CNTNAP2: variants seen among roughly 807,000 people sequenced by gnomAD.
The protein encoded by CNTNAP2 is contactin-associated protein-like 2.
In CNTNAP2, 98 loss-of-function variants were observed where a neutral mutation model predicts 155.2. The ratio of observed to expected loss-of-function variants is 0.63; its 90% CI spans 0.54 to 0.75. The LOEUF is 0.75. Among genes scored for constraint, CNTNAP2 ranks in the 30% least tolerant of loss-of-function variants. The pLI is 0.00. For synonymous variants in CNTNAP2, 651 were observed against 631.2 expected (o/e 1.03, Z -0.47); for missense variants, 1,727 against 1,688.1 (o/e 1.02, Z -0.40).
chr7:146,467,450 G>A (rs185390241), intron 1 of CNTNAP2, among the ~76,000 whole-genome samples: 152 of 152,218 alleles, frequency 1.0e-3, no homozygotes, highest in Non-Finnish European at 1.4e-3. Context: ...TTCTGATAAA[G>A]TTAAATGTGG....
At chr7:146,203,865 A>G (rs1798904857) in intron 1 of CNTNAP2, among the ~76,000 whole-genome samples, 2 of 152,142 alleles carry the variant, frequency 1.3e-5, no homozygotes, top group Admixed American at 6.6e-5. Flanking sequence ...ACAAATATAT[A>G]TATAATATCA....
intron 8 of CNTNAP2, among the ~76,000 whole-genome samples, chr7:147,202,135 A>G (rs956090086): frequency 4.6e-5 from 7 of 152,138 alleles, no homozygotes; most frequent in Non-Finnish European, 1.5e-5. Flanking sequence ...AAAAATAGTA[A>G]AGATAAAAGT....
intron 3 of CNTNAP2, among the ~76,000 whole-genome samples, chr7:146,999,366 A>T (rs1342768313): frequency 6.6e-6 from 1 of 151,884 alleles, no homozygotes; most frequent in East Asian, 1.9e-4. Flanking sequence ...CGATTAACAA[A>T]TAATTTTAGT....
At chr7:146,691,768 C>G (rs1434780705) in intron 1 of CNTNAP2, among the ~76,000 whole-genome samples, 2 of 152,138 alleles carry the variant, frequency 1.3e-5, no homozygotes, top group African/African-American at 2.4e-5. Context: ...CATTCACTCT[C>G]ATCTCAAATC....
chr7:147,724,751 A>G (rs544721288), intron 13 of CNTNAP2, among the ~76,000 whole-genome samples: 3 of 152,150 alleles, frequency 2.0e-5, no homozygotes, highest in Admixed American at 6.6e-5. Flanking sequence ...ATTCAGAAGT[A>G]TAGTCTTGCT....
At chr7:146,752,992 T>G (rs924639446) in intron 1 of CNTNAP2, among the ~76,000 whole-genome samples, 1 of 152,164 alleles carries the variant, frequency 6.6e-6, no homozygotes, top group Non-Finnish European at 1.5e-5. Flanking sequence ...CTTGTTTCTT[T>G]AGAGCCAAGG....
intron 1 of CNTNAP2, among the ~76,000 whole-genome samples, chr7:146,518,589 T>C (rs1449611687): frequency 1.3e-5 from 2 of 151,860 alleles, no homozygotes; most frequent in East Asian, 3.9e-4. Flanking sequence ...ATACAACTTT[T>C]TTTTGAGAGA....
intron 1 of CNTNAP2, among the ~76,000 whole-genome samples, chr7:146,641,367 G>T (rs960744009): frequency 7.2e-5 from 11 of 152,068 alleles, no homozygotes; most frequent in Middle Eastern, 3.4e-3. Flanking sequence ...AAAAAGAGAC[G>T]AACTTCTTCC....
chr7:147,687,488 G>C (rs138825274), intron 13 of CNTNAP2, among the ~76,000 whole-genome samples: 8 of 152,072 alleles, frequency 5.3e-5, no homozygotes, highest in Non-Finnish European at 1.2e-4. Context: ...TTAGGCAATA[G>C]TAATCAAGGA....
At chr7:146,914,542 G>A (rs951967512) in intron 3 of CNTNAP2, among the ~76,000 whole-genome samples, 5 of 151,616 alleles carry the variant, frequency 3.3e-5, no homozygotes, top group African/African-American at 9.7e-5. Context: ...CATTTCCCTG[G>A]TCATTAGTGA....
chr7:147,079,992 C>T (rs947060368), intron 4 of CNTNAP2, among the ~76,000 whole-genome samples: 5 of 137,660 alleles, frequency 3.6e-5, no homozygotes, highest in African/African-American at 1.4e-4. Context: ...GAATTCAAAG[C>T]CTAGTCCTTT....
At chr7:147,637,447 G>T (rs1584871890) in intron 12 of CNTNAP2, among the ~76,000 whole-genome samples, 2 of 152,084 alleles carry the variant, frequency 1.3e-5, no homozygotes, top group South Asian at 2.1e-4. Flanking sequence ...CTGAAAGAAT[G>T]GAGTTGCCAT....
chr7:146,832,250 A>C (rs369853592), intron 2 of CNTNAP2, among the ~76,000 whole-genome samples: 1 of 152,138 alleles, frequency 6.6e-6, no homozygotes, highest in African/African-American at 2.4e-5. Context: ...CTCATGTTAC[A>C]TATTATTTTC....
At chr7:147,645,024 C>G (rs1435432855) in intron 13 of CNTNAP2, among the ~76,000 whole-genome samples, 1 of 151,854 alleles carries the variant, frequency 6.6e-6, no homozygotes, top group African/African-American at 2.4e-5. Flanking sequence ...ATGAATGATA[C>G]TTTTTACTGC....
intron 5 of CNTNAP2, among the ~76,000 whole-genome samples, chr7:147,109,162 T>C (rs1800825912): frequency 6.6e-6 from 1 of 152,032 alleles, no homozygotes; most frequent in African/African-American, 2.4e-5. Flanking sequence ...TGTGTAGATA[T>C]GAGAGTCGCA....
At chr7:146,449,831 G>T (rs2129121984) in intron 1 of CNTNAP2, among the ~76,000 whole-genome samples, 1 of 152,280 alleles carries the variant, frequency 6.6e-6, no homozygotes, top group African/African-American at 2.4e-5. Context: ...ATTTCAATCA[G>T]TGATGATTGA....
At chr7:147,320,158 T>C (rs996798303) in intron 9 of CNTNAP2, among the ~76,000 whole-genome samples, 1 of 152,184 alleles carries the variant, frequency 6.6e-6, no homozygotes. Flanking sequence ...TCAAGATGTC[T>C]TCCATCCCCA....
chr7:146,362,115 A>G (rs889885877), intron 1 of CNTNAP2, among the ~76,000 whole-genome samples: 2 of 152,096 alleles, frequency 1.3e-5, no homozygotes, highest in African/African-American at 4.8e-5. Context: ...TGCTTTTTCT[A>G]TGGATCTTAC....
At chr7:148,026,689 C>T (rs985212026) in intron 15 of CNTNAP2, among the ~76,000 whole-genome samples, 7 of 152,112 alleles carry the variant, frequency 4.6e-5, no homozygotes, top group Admixed American at 1.3e-4. Context: ...CAGATACCCG[C>T]CCACCTCATA....
Sources: allele counts gnomAD v4.1 joint callset (sites outside exome capture counted in the v4.1 genomes callset), GRCh38; gene constraint gnomAD v4.1.1; transcripts MANE v1.5; gene names NCBI Gene and HGNC (gene_info 2026-07-23, HGNC 2026-07-21).